The following CDC14A variants were observed in gnomAD, a reference collection of about 807,000 sequenced individuals.
The protein encoded by CDC14A is cell division cycle 14A.
In CDC14A, 53 loss-of-function variants were observed where a neutral mutation model predicts 74.4. That is an observed-to-expected ratio of 0.71 (90% CI 0.57 to 0.89). The LOEUF is 0.89. Among genes scored for constraint, CDC14A ranks in the 40% least tolerant of loss-of-function variants. The pLI is 0.00. For missense variants in CDC14A, 646 were observed against 713.7 expected (o/e 0.91, Z 1.08); for synonymous variants, 247 against 258.4 (o/e 0.96, Z 0.43).
chr1:100,357,537 G>A (rs1006321358), intron 2 of CDC14A, among the ~76,000 whole-genome samples: 1 of 152,120 alleles, frequency 6.6e-6, no homozygotes, highest in Non-Finnish European at 1.5e-5. Flanking sequence ...TGTCTCTGAG[G>A]AGAAGAATAT....
intron 1 of CDC14A, among the ~76,000 whole-genome samples, 188 bp from the exon 2 acceptor site, chr1:100,353,574 C>T (rs1651443416): frequency 6.6e-6 from 1 of 152,186 alleles, no homozygotes; most frequent in South Asian, 2.1e-4. Flanking sequence ...GTTCCTCGGT[C>T]AGGTCCTCCT....
At chr1:100,351,094 T>C (rs1056459851), upstream of CDC14A, among the ~76,000 whole-genome samples, 2 of 151,980 alleles carry the variant, frequency 1.3e-5, no homozygotes, top group East Asian at 3.9e-4. Context: ...TTTGGGAGAA[T>C]GAGGCACGAG....
chr1:100,398,826 G>T (rs1042507111), intron 4 of CDC14A, among the ~76,000 whole-genome samples: 1 of 152,088 alleles, frequency 6.6e-6, no homozygotes, highest in Non-Finnish European at 1.5e-5. Context: ...TGGTGTGGGT[G>T]TGGAGGGCTG....
chr1:100,365,745 C>T (rs1291541943), intron 2 of CDC14A, among the ~76,000 whole-genome samples: 1 of 152,138 alleles, frequency 6.6e-6, no homozygotes, highest in African/African-American at 2.4e-5. Context: ...GACTAGTGCC[C>T]TCATCTGAGG....
At chr1:100,431,310 T>A (rs897142310) in intron 5 of CDC14A, among the ~76,000 whole-genome samples, 3 of 152,128 alleles carry the variant, frequency 2.0e-5, no homozygotes, top group African/African-American at 4.8e-5. Context: ...TTTTTTTTTT[T>A]ATTCCTACCT....
At chr1:100,366,104 G>A (rs562376546) in intron 2 of CDC14A, among the ~76,000 whole-genome samples, 1 of 152,282 alleles carries the variant, frequency 6.6e-6, no homozygotes, top group South Asian at 2.1e-4. Flanking sequence ...TAGGCTTTTA[G>A]TAACTATTTG....
At chr1:100,415,444 A>T (rs527956595) in intron 4 of CDC14A, among the ~76,000 whole-genome samples, 1 of 152,206 alleles carries the variant, frequency 6.6e-6, no homozygotes, top group South Asian at 2.1e-4. Context: ...AAGTATTTTT[A>T]GGGTAGAAAT....
At position 100,502,018 on chromosome 1, in the gene CDC14A, TA is replaced by T. The variant is rs1433525992; in HGVS notation, c.1755+2762del. On this transcript the variant is annotated intron_variant, in intron 15 of 15. Coordinates refer to ENST00000336454, the MANE Select transcript of CDC14A (RefSeq NM_003672.4). ...AGTGATTGGGAGTTGATAAAAACAT[TA>T]AAAAATAGTAAACTAAGTATTATTA... 2.6e-5 allele frequency among the ~76,000 whole-genome samples: 4 copies of T among 152,128 alleles called. No individual in the cohort carries two copies. The East Asian group carries it at 7.7e-4, about 29-fold the overall frequency.
At chr1:100,465,561 A>G (rs1667720488) in intron 9 of CDC14A, among the ~76,000 whole-genome samples, 1 of 152,228 alleles carries the variant, frequency 6.6e-6, no homozygotes, top group African/African-American at 2.4e-5. Flanking sequence ...TAATTGAACT[A>G]AAAGAAGGAA....
intron 3 of CDC14A, among the ~76,000 whole-genome samples, chr1:100,385,704 C>T (rs1656750064): frequency 2.0e-5 from 3 of 152,100 alleles, no homozygotes; most frequent in African/African-American, 7.2e-5. Context: ...ACAGTGTGCT[C>T]ATTATATTTT....
At chr1:100,398,359 A>G (rs1658817339) in intron 4 of CDC14A, among the ~76,000 whole-genome samples, 1 of 152,052 alleles carries the variant, frequency 6.6e-6, no homozygotes, top group Non-Finnish European at 1.5e-5. Flanking sequence ...CTGTCTGCCC[A>G]TCTTCCTCTT....
intron 4 of CDC14A, among the ~76,000 whole-genome samples, chr1:100,418,589 T>A (rs991680305): frequency 1.3e-5 from 2 of 152,122 alleles, no homozygotes; most frequent in African/African-American, 4.8e-5. Flanking sequence ...GCTCTGGAAC[T>A]ACTGGAGTAG....
intron 10 of CDC14A, among the ~76,000 whole-genome samples, chr1:100,476,364 A>G (rs1009155733): frequency 6.6e-6 from 1 of 152,172 alleles, no homozygotes; most frequent in Non-Finnish European, 1.5e-5. Flanking sequence ...GAAGCAATCA[A>G]TTGAACCTTG....
chr1:100,370,084 A>G (rs932873770), intron 2 of CDC14A, among the ~76,000 whole-genome samples: 2 of 152,038 alleles, frequency 1.3e-5, no homozygotes, highest in Non-Finnish European at 2.9e-5. Context: ...CCCGGGCTCA[A>G]GCAATTCTCC....
At chr1:100,423,119 A>C (rs1034783485) in intron 4 of CDC14A, among the ~76,000 whole-genome samples, 1 of 152,228 alleles carries the variant, frequency 6.6e-6, no homozygotes, top group Admixed American at 6.5e-5. Context: ...CTCTTGGAAT[A>C]AAATTGAGCT....
At chr1:100,382,136 C>T (rs61590538) in intron 3 of CDC14A, among the ~76,000 whole-genome samples, 1 of 148,514 alleles carries the variant, frequency 6.7e-6, no homozygotes, top group African/African-American at 2.5e-5. Context: ...GGGCTAAAGT[C>T]TTCTGAAAAA....
In CDC14A at chr1:100,393,152, C is replaced by T. The variant is rs111358489; in HGVS notation, c.309+2328C>T. 12,863 of 1,536,904 alleles carry T rather than the reference C, an allele frequency of 8.4e-3. 944 individuals are homozygous for T. The African/African-American group carries it at 0.16, about 19-fold the overall frequency. On this transcript the variant is annotated intron_variant, in intron 4 of 15. Transcript: ENST00000336454. Reference sequence around the variant, plus strand: ...GTCTCATAATTCTTACTACAGATATCCAATTTGACTCCATTTCTCTCAATT... The same window carrying T: ...GTCTCATAATTCTTACTACAGATATTCAATTTGACTCCATTTCTCTCAATT...
chr1:100,497,827 A>T (rs987357929), intron 13 of CDC14A, among the ~76,000 whole-genome samples: 1 of 152,172 alleles, frequency 6.6e-6, no homozygotes, highest in African/African-American at 2.4e-5. Context: ...TTGTTTCCTC[A>T]CTTGTAAAGT....
intron 11 of CDC14A, among the ~76,000 whole-genome samples, chr1:100,489,202 C>T (rs1352315257): frequency 6.6e-6 from 1 of 152,184 alleles, no homozygotes; most frequent in Non-Finnish European, 1.5e-5. Flanking sequence ...GAAAAGAACT[C>T]TAGAGATGAC....
Sources: allele counts gnomAD v4.1 joint callset (sites outside exome capture counted in the v4.1 genomes callset), GRCh38; gene constraint gnomAD v4.1.1; transcripts MANE v1.5; gene names NCBI Gene and HGNC (gene_info 2026-07-23, HGNC 2026-07-21).